HABP4: variants seen among roughly 807,000 people sequenced by gnomAD.
HABP4 encodes intracellular hyaluronan-binding protein 4.
In HABP4, 32 loss-of-function variants were observed where a neutral mutation model predicts 44.1. The observed-to-expected ratio is 0.73, with a 90% CI of 0.55 to 0.97. HABP4 has a LOEUF of 0.97. HABP4 is among the 50% of genes least tolerant of loss of function. HABP4 has a pLI of 0.00. For synonymous variants in HABP4, 216 were observed against 218.0 expected, an observed-to-expected ratio of 0.99 and a Z score of 0.08; for missense variants, 503 against 561.9, an observed-to-expected ratio of 0.90 and a Z score of 1.06.
intron 1 of HABP4, among the ~76,000 whole-genome samples, chr9:96,454,459 T>G (rs983385770): frequency 3.1e-4 from 46 of 149,838 alleles, no homozygotes; most frequent in Non-Finnish European, 5.9e-4. Flanking sequence ...TTTTTTTTTT[T>G]TTTTTTTTTG....
At chr9:96,460,784 A>C (rs1412131519) in intron 2 of HABP4, among the ~76,000 whole-genome samples, 1 of 152,220 alleles carries the variant, frequency 6.6e-6, no homozygotes, top group Non-Finnish European at 1.5e-5. Flanking sequence ...CCACAGAAGT[A>C]ATGTGTTCTC....
intron 1 of HABP4, among the ~76,000 whole-genome samples, chr9:96,453,960 T>C (rs1832330617): frequency 6.6e-6 from 1 of 152,220 alleles, no homozygotes; most frequent in African/African-American, 2.4e-5. Flanking sequence ...AACTGATCAT[T>C]ATTCTAATTA....
At chr9:96,489,476 C>T (rs1833041360) in intron 7 of HABP4, among the ~76,000 whole-genome samples, 1 of 151,904 alleles carries the variant, frequency 6.6e-6, no homozygotes, top group Non-Finnish European at 1.5e-5. Context: ...TTTGCTCATC[C>T]ATTGAGGTTC....
intron 4 of HABP4, among the ~76,000 whole-genome samples, chr9:96,466,996 C>T (rs1030382498): frequency 6.7e-6 from 1 of 149,754 alleles, no homozygotes; most frequent in Non-Finnish European, 1.5e-5. Flanking sequence ...GATCTCGGCT[C>T]ACTGCAACCT....
rs1285177564 is a variant in HABP4, at chr9:96,471,083, G to A, written c.816G>A (p.Glu272=). 30 of 1,563,842 alleles carry A rather than the reference G, an allele frequency of 1.9e-5. No homozygotes were observed. Among genetic ancestry groups the A allele is most frequent in the Non-Finnish European group, 2.6e-5 (30 of 1,134,184 alleles). ...VEESQGTPEE[E]SPAKVPELEV... is the part of the protein sequence containing the mutation. ...AGTCCCAGGGCACCCCGGAAGAGGA[G>A]TCTCCAGCCAAGTAGGGCATTTTGT... is the stretch of plus-strand genomic sequence containing the variant. Residue 272 remains glutamate (E), a synonymous_variant, in exon 5 of 8, where the codon GAG becomes GAA. Transcript: ENST00000375249.
At position 96,465,390 on chromosome 9, in the gene HABP4, G is replaced by GA. The variant is rs1832583010; in HGVS notation, c.567dup (p.Gly190ArgfsTer17). 6.2e-7 allele frequency: 1 copy of GA among 1,609,978 alleles called. No individual in the cohort carries two copies. Among genetic ancestry groups the GA allele is most frequent in the Non-Finnish European group, 8.5e-7 (1 of 1,176,172 alleles). Reference sequence around the variant, plus strand: ...CCGTTGAGAGGACGTGGAGGCCCGAGAGGGGGTATGCGCGGCAGAGGCAGA... The same window carrying GA: ...CCGTTGAGAGGACGTGGAGGCCCGAGAAGGGGGTATGCGCGGCAGAGGCAGA... On this transcript the variant is annotated frameshift_variant, in exon 3 of 8. Transcript: ENST00000375249. LOFTEE classifies it high-confidence loss of function.
chr9:96,479,871 T>A (rs1039749980), intron 5 of HABP4, among the ~76,000 whole-genome samples: 8 of 151,826 alleles, frequency 5.3e-5, no homozygotes, highest in Non-Finnish European at 1.0e-4. Flanking sequence ...TATTCCAATT[T>A]AAAAAAAATG....
chr9:96,451,882 A>G (rs993930633), intron 1 of HABP4, among the ~76,000 whole-genome samples: 8 of 152,184 alleles, frequency 5.3e-5, no homozygotes, highest in African/African-American at 9.7e-5. Context: ...ATTTACATCA[A>G]TATAATAAAG....
intron 5 of HABP4, 39 bp from the exon 6 acceptor site, chr9:96,484,423 A>G: frequency 1.1e-6 from 1 of 926,192 alleles, no homozygotes; most frequent in Non-Finnish European, 1.7e-6. Context: ...TTTTAGTACC[A>G]TCAAAAAGTA....
intron 2 of HABP4, 83 bp downstream of exon 2, chr9:96,458,624 T>TTA: frequency 6.3e-6 from 6 of 954,584 alleles, no homozygotes; most frequent in Non-Finnish European, 9.3e-6. Flanking sequence ...TTTTCTTTCT[T>TTA]TCTTTTTTTT....
chr9:96,465,627 G>C, intron 3 of HABP4, 83 bp from the exon 4 acceptor site: 1 of 1,181,206 alleles, frequency 8.5e-7, no homozygotes, highest in Non-Finnish European at 1.3e-6. Context: ...CTGATCCTGG[G>C]ACTTTTATGA....
chr9:96,477,671 G>C (rs954257354), intron 5 of HABP4, among the ~76,000 whole-genome samples: 2 of 152,030 alleles, frequency 1.3e-5, no homozygotes, highest in Non-Finnish European at 2.9e-5. Context: ...ATGTCAATTG[G>C]TTAGTCTCAT....
intron 7 of HABP4, 23 bp from the exon 8 acceptor site, chr9:96,489,959 A>G: frequency 1.4e-6 from 2 of 1,476,394 alleles, no homozygotes; most frequent in Non-Finnish European, 1.9e-6. Flanking sequence ...AGTGGATTTC[A>G]AAGTATTTCT....
In HABP4 at chr9:96,456,781, A is replaced by ATG. The variant is rs1832396994; in HGVS notation, c.350-1597_350-1596insGT. Among the ~76,000 whole-genome samples, 6 of 30,142 alleles carry ATG rather than the reference A, an allele frequency of 2.0e-4. No homozygotes were observed. The East Asian group carries it at 3.6e-3, about 18-fold the overall frequency. The allele number at this position is 30,142 out of a possible 152,430, so 19.8% of individuals were successfully genotyped here. A position where few individuals can be genotyped will look rare whatever the true frequency, so the allele number is the denominator to read the frequency against. Reference sequence around the variant, plus strand: ...TCTCAAAAAAAAAAAAAAAAAAAAAATATATATATATATATATATATATAT... The same window carrying ATG: ...TCTCAAAAAAAAAAAAAAAAAAAAAATGTATATATATATATATATATATATAT... On this transcript the variant is annotated intron_variant, in intron 1 of 7. Transcript: ENST00000375249.
At chr9:96,473,560 C>T (rs761583836) in intron 5 of HABP4, among the ~76,000 whole-genome samples, 1 of 152,162 alleles carries the variant, frequency 6.6e-6, no homozygotes, top group Non-Finnish European at 1.5e-5. Flanking sequence ...GTCATGCCCC[C>T]ACCCCTTGCT....
chr9:96,451,384 G>T (rs944981126), intron 1 of HABP4: 49 of 575,422 alleles, frequency 8.5e-5, no homozygotes, highest in Non-Finnish European at 1.1e-4. Context: ...GGACGGGGAG[G>T]GTGCTTCAGA....
intron 1 of HABP4, among the ~76,000 whole-genome samples, chr9:96,453,853 A>C (rs1342275777): frequency 6.6e-6 from 1 of 152,188 alleles, no homozygotes. Flanking sequence ...AATTCATGGC[A>C]GTGTTGATCT....
intron 1 of HABP4, among the ~76,000 whole-genome samples, chr9:96,452,095 C>T (rs1156999202): frequency 1.3e-5 from 2 of 151,814 alleles, no homozygotes; most frequent in Non-Finnish European, 2.9e-5. Flanking sequence ...GGCGTGGTGG[C>T]GGGCACCTGT....
In HABP4 at chr9:96,456,781, ATATATAT is replaced by A. The variant is rs1361873034; in HGVS notation, c.350-1597_350-1591del. Among the ~76,000 whole-genome samples the A allele has an allele frequency of 3.5e-3, 105 of 30,124 alleles. 1 individual carries two copies. The highest frequency in any genetic ancestry group is 3.5e-3 in the African/African-American group (24 of 6,954). 19.8% of individuals were successfully genotyped at this position (30,124 alleles called of 152,430 possible). ...TCTCAAAAAAAAAAAAAAAAAAAAAATATATATATATATATATATATATATATATATA... is the reference window on the plus strand; with the variant it reads ...TCTCAAAAAAAAAAAAAAAAAAAAAAATATATATATATATATATATATATA... On this transcript the variant is annotated intron_variant, in intron 1 of 7. Transcript: ENST00000375249.
Sources: allele counts gnomAD v4.1 joint callset (sites outside exome capture counted in the v4.1 genomes callset), GRCh38; gene constraint gnomAD v4.1.1; transcripts MANE v1.5; gene names NCBI Gene and HGNC (gene_info 2026-07-23, HGNC 2026-07-21).